Variants in IRAK2 observed in about 807,000 individuals in gnomAD.
IRAK2 encodes the protein interleukin-1 receptor-associated kinase-like 2.
In IRAK2, 57 loss-of-function variants were observed where a neutral mutation model predicts 72.0. That is an observed-to-expected ratio of 0.79 (90% CI 0.64 to 0.99). The LOEUF (loss-of-function observed/expected upper bound fraction) is 0.99, where lower values mean the gene tolerates loss of function less well. Ranked by LOEUF, IRAK2 falls within the 50% of genes least tolerant of loss-of-function variation. The pLI is 0.00. For synonymous variants in IRAK2, 293 were observed against 312.7 expected, an observed-to-expected ratio of 0.94 and a Z score of 0.67; for missense variants, 790 against 794.4, an observed-to-expected ratio of 0.99 and a Z score of 0.07.
At chr3:10,225,941 C>T (rs574330664) in intron 9 of IRAK2, among the ~76,000 whole-genome samples, 16 of 152,162 alleles carry the variant, frequency 1.1e-4, no homozygotes, top group African/African-American at 3.6e-4. Flanking sequence ...CCACGTGATC[C>T]GCCCACCTCA....
Position 10,223,517 on chromosome 3 carries a change from G to A in IRAK2, c.1209+686G>A, listed in dbSNP as rs558253675. 1.6e-4 allele frequency among the ~76,000 whole-genome samples: 24 copies of A among 152,324 alleles called. 1 individual carries two copies. In the South Asian group the frequency reaches 5.0e-3, roughly 32 times the overall value. On this transcript the variant is annotated intron_variant, in intron 9 of 12. Coordinates refer to ENST00000256458, the MANE Select transcript of IRAK2 (RefSeq NM_001570.4). Reference sequence around the variant, plus strand: ...ACCTCTAGGATTGATGTGTTAAAAGGGTTTGTGCCCTGACAGGCTTGGAAA... The same window carrying A: ...ACCTCTAGGATTGATGTGTTAAAAGAGTTTGTGCCCTGACAGGCTTGGAAA...
intron 3 of IRAK2, among the ~76,000 whole-genome samples, chr3:10,207,315 C>T (rs1382556906): frequency 6.6e-6 from 1 of 152,196 alleles, no homozygotes; most frequent in East Asian, 1.9e-4. Context: ...TGTTGTAAGC[C>T]ACAAATACCT....
chr3:10,217,474 A>G (rs1407103389), intron 7 of IRAK2, among the ~76,000 whole-genome samples: 1 of 152,206 alleles, frequency 6.6e-6, no homozygotes, highest in African/African-American at 2.4e-5. Context: ...GACAAGAAAA[A>G]GAATTAAGAG....
At position 10,222,693 on chromosome 3, in the gene IRAK2, T is replaced by A; in HGVS notation, c.1071T>A (p.His357Gln). ...LTPKLAHPMA[H>Q]LCPVNKRSKY... ...CCAAACTTGCTCACCCAATGGCTCA[T>A]CTGTGTCCTGTCAACAAAAGGTCAA... The change falls in exon 9 of 13, where the codon CAT (histidine) becomes CAA (glutamine). Residue 357 changes from histidine (H) to glutamine (Q), a missense_variant. Coordinates refer to ENST00000256458, the MANE Select transcript of IRAK2 (RefSeq NM_001570.4). The A allele has an allele frequency of 1.2e-6, 2 of 1,614,206 alleles. No individual in the cohort carries two copies. Among genetic ancestry groups the A allele is most frequent in the African/African-American group, 1.3e-5 (1 of 75,048 alleles).
intron 12 of IRAK2, among the ~76,000 whole-genome samples, chr3:10,239,481 G>A (rs1338582181): frequency 6.6e-6 from 1 of 151,846 alleles, no homozygotes; most frequent in African/African-American, 2.4e-5. Context: ...GGCCGAGGCG[G>A]GTGGATCACC....
chr3:10,241,826 A>G (rs1027269621), intron 12 of IRAK2, among the ~76,000 whole-genome samples: 3 of 124,302 alleles, frequency 2.4e-5, no homozygotes, highest in African/African-American at 9.2e-5. Flanking sequence ...AAAAAAAAAA[A>G]GCCAGGTGTG....
At chr3:10,195,812 G>A (rs1029435404) in intron 2 of IRAK2, among the ~76,000 whole-genome samples, 19 of 152,184 alleles carry the variant, frequency 1.2e-4, no homozygotes, top group Non-Finnish European at 2.5e-4. Context: ...CTGAGCCAGG[G>A]GAGCCACTGC....
chr3:10,169,797 G>T (rs1292149940), intron 1 of IRAK2, among the ~76,000 whole-genome samples: 1 of 152,318 alleles, frequency 6.6e-6, no homozygotes, highest in Non-Finnish European at 1.5e-5. Flanking sequence ...TTATGAAAAT[G>T]ATGGGATTAA....
At chr3:10,212,796 G>A (rs1338887690) in intron 4 of IRAK2, among the ~76,000 whole-genome samples, 6 of 126,020 alleles carry the variant, frequency 4.8e-5, no homozygotes, top group East Asian at 2.2e-4. Context: ...ACAGAGTCTC[G>A]CTCTGTCACC....
Position 10,172,240 on chromosome 3 carries a change from G to A in IRAK2, c.95-5598G>A, listed in dbSNP as rs554469241. On this transcript the variant is annotated intron_variant, in intron 1 of 12. Transcript: ENST00000256458. ...AAATTAGCCGGGCATGGTGGCAGGC[G>A]CCTGTAGTCCTAGCTACTCAGGAGG... 3.3e-5 allele frequency among the ~76,000 whole-genome samples: 5 copies of A among 151,964 alleles called. No individual in the cohort carries two copies. In the South Asian group the frequency reaches 6.2e-4, roughly 19 times the overall value.
chr3:10,175,890 C>CAAAAA (rs59718922), intron 1 of IRAK2, among the ~76,000 whole-genome samples: 94 of 52,488 alleles, frequency 1.8e-3, no homozygotes, highest in East Asian at 8.9e-3. Flanking sequence ...GACTCCGTCT[C>CAAAAA]AAAAAAAAAA....
chr3:10,165,073 G>A (rs1351852215), intron 1 of IRAK2, 25 bp downstream of exon 1: 3 of 1,589,170 alleles, frequency 1.9e-6, no homozygotes, highest in Non-Finnish European at 8.6e-7. Context: ...GGGAGGGGAG[G>A]GGACCAGGGC....
At chr3:10,175,041 T>C (rs1405209570) in intron 1 of IRAK2, among the ~76,000 whole-genome samples, 1 of 151,662 alleles carries the variant, frequency 6.6e-6, no homozygotes, top group African/African-American at 2.4e-5. Flanking sequence ...TGGTGATCCA[T>C]GTTTGCACCA....
Position 10,213,204 on chromosome 3 carries a change from C to A in IRAK2, c.529-3C>A. 2 of 1,613,580 alleles carry A rather than the reference C, an allele frequency of 1.2e-6. No homozygotes were observed. The highest frequency in any genetic ancestry group is 1.7e-6 in the Non-Finnish European group (2 of 1,179,642). ...TCTCCATCTCTTCTCTCTGGGTCTC[C>A]AGGACTTCAGCACCTCCATTCCTAA... On this transcript the variant is annotated splice_polypyrimidine_tract_variant and splice_region_variant and intron_variant, in intron 4 of 12. Coordinates refer to ENST00000256458, the MANE Select transcript of IRAK2 (RefSeq NM_001570.4).
At position 10,239,058 on chromosome 3, in the gene IRAK2, T is replaced by A. The variant is rs767577720; in HGVS notation, c.1765+19T>A. ...CAGGATGGTAAGCCGGAAGTCAGAGTGCATTTGGATGCTCATGTGTGTGTC... is the reference window on the plus strand; with the variant it reads ...CAGGATGGTAAGCCGGAAGTCAGAGAGCATTTGGATGCTCATGTGTGTGTC... On this transcript the variant is annotated intron_variant, in intron 12 of 12. Transcript: ENST00000256458. 8 of 1,559,206 alleles carry A rather than the reference T, an allele frequency of 5.1e-6. No individual in the cohort carries two copies. The Admixed American group carries it at 1.5e-4, about 29-fold the overall frequency.
At chr3:10,171,203 G>A (rs1200762494) in intron 1 of IRAK2, among the ~76,000 whole-genome samples, 2 of 152,180 alleles carry the variant, frequency 1.3e-5, no homozygotes, top group Admixed American at 1.3e-4. Flanking sequence ...CTCGGCGCAG[G>A]GGCTCTTCTG....
At chr3:10,228,292 G>A (rs928706197) in intron 10 of IRAK2, among the ~76,000 whole-genome samples, 4 of 152,088 alleles carry the variant, frequency 2.6e-5, no homozygotes, top group African/African-American at 9.7e-5. Context: ...GGGCTCTGGG[G>A]TAGGGAGGCT....
chr3:10,227,652 C>T (rs905731253), intron 10 of IRAK2, among the ~76,000 whole-genome samples: 4 of 151,344 alleles, frequency 2.6e-5, no homozygotes, highest in Admixed American at 2.6e-4. Flanking sequence ...TCTCCCTGAG[C>T]CGACATCATG....
chr3:10,204,646 G>A (rs1697409777), intron 3 of IRAK2, among the ~76,000 whole-genome samples: 1 of 152,144 alleles, frequency 6.6e-6, no homozygotes, highest in African/African-American at 2.4e-5. Flanking sequence ...CTACTTGGGA[G>A]GCTGAGGCAG....
Sources: allele counts gnomAD v4.1 joint callset (sites outside exome capture counted in the v4.1 genomes callset), GRCh38; gene constraint gnomAD v4.1.1; transcripts MANE v1.5; gene names NCBI Gene and HGNC (gene_info 2026-07-23, HGNC 2026-07-21).